Variants in BFSP1 observed in about 807,000 individuals in gnomAD.
BFSP1 encodes beaded filament structural protein 1, also known as filensin.
A neutral mutation model predicts 43.9 loss-of-function variants in BFSP1; 38 were observed. The ratio of observed to expected loss-of-function variants is 0.87; its 90% CI spans 0.67 to 1.14. BFSP1 has a LOEUF of 1.14. Ranked by LOEUF, BFSP1 falls within the 50% of genes most tolerant of loss-of-function variation. The pLI is 0.00. For synonymous variants in BFSP1, 352 were observed against 354.8 expected, an observed-to-expected ratio of 0.99 and a Z score of 0.09; for missense variants, 850 against 875.1, an observed-to-expected ratio of 0.97 and a Z score of 0.36.
intron 1 of BFSP1, among the ~76,000 whole-genome samples, chr20:17,557,337 C>T (rs566374198): frequency 6.6e-6 from 1 of 152,194 alleles, no homozygotes; most frequent in Non-Finnish European, 1.5e-5. Context: ...TTGAATACAG[C>T]GCCTCATTGC....
upstream of BFSP1, among the ~76,000 whole-genome samples, chr20:17,535,517 G>A (rs745992105): frequency 3.0e-4 from 45 of 152,136 alleles, no homozygotes; most frequent in Non-Finnish European, 5.9e-4. Flanking sequence ...GCAACAGAGC[G>A]AGACTTCATC....
Position 17,558,556 on chromosome 20 carries a change from A to G in BFSP1, c.2+132T>C, listed in dbSNP as rs2035032860. The G allele has an allele frequency of 4.2e-6, 4 of 953,370 alleles. No individual in the cohort carries two copies. The African/African-American group carries it at 6.7e-5, about 16-fold the overall frequency. The allele number at this position is 953,370 out of a possible 1,614,324, so 59.1% of individuals were successfully genotyped here. A position where few individuals can be genotyped will look rare whatever the true frequency, so the allele number is the denominator to read the frequency against. ...AATATTTATCATTTTAGAAATTTCC[A>G]TGAGTCATAAAACAAATGTGCAACC... On this transcript the variant is annotated intron_variant, in intron 1 of 7. Coordinates refer to the BFSP1 transcript ENST00000377868.
At chr20:17,536,736 A>G (rs572083464) in intron 1 of BFSP1, among the ~76,000 whole-genome samples, 1 of 152,330 alleles carries the variant, frequency 6.6e-6, no homozygotes, top group Admixed American at 6.5e-5. Context: ...CATTTTACAG[A>G]AACAAAAGGT....
At position 17,512,054 on chromosome 20, in the gene BFSP1, A is replaced by G. The variant is rs933891754; in HGVS notation, c.549T>C (p.Val183=). 1 of 1,607,634 alleles carries G rather than the reference A, an allele frequency of 6.2e-7. No individual in the cohort carries two copies. Among genetic ancestry groups the G allele is most frequent in the Non-Finnish European group, 8.5e-7 (1 of 1,174,142 alleles). Residue 183 remains valine, a synonymous_variant, in exon 4 of 8, where the codon GTT becomes GTC. Coordinates refer to ENST00000377873, the MANE Select transcript of BFSP1 (RefSeq NM_001195.5). The part of the protein sequence containing the change: ...KDRHKKNLLE[V]QTYISILQQI... ...GCTGCAGGATGCTGATATAGGTCTG[A>G]ACTTCCAGAAGATTCTGTTGGGGGA...
intron 1 of BFSP1, among the ~76,000 whole-genome samples, chr20:17,556,151 T>C (rs556974001): frequency 6.6e-6 from 1 of 152,306 alleles, no homozygotes; most frequent in East Asian, 1.9e-4. Context: ...TCACAATATA[T>C]AAAACTAATT....
rs971162576 is a variant in BFSP1 at position 17,497,528 on chromosome 20, AC to A, written c.957-506del. On this transcript the variant is annotated intron_variant, in intron 6 of 7. Coordinates refer to ENST00000377873, the MANE Select transcript of BFSP1 (RefSeq NM_001195.5). ...TATATATACGTATATATATACACACACGTATGTATATATGTGTGTATATATG... is the reference window on the plus strand; with the variant it reads ...TATATATACGTATATATATACACACAGTATGTATATATGTGTGTATATATG... 2.8e-3 allele frequency among the ~76,000 whole-genome samples: 403 copies of A among 145,776 alleles called. 3 individuals are homozygous for A. The highest frequency in any genetic ancestry group is 9.9e-3 in the African/African-American group (390 of 39,434).
chr20:17,539,315 G>T (rs897542103), intron 1 of BFSP1, among the ~76,000 whole-genome samples: 4 of 151,626 alleles, frequency 2.6e-5, no homozygotes, highest in African/African-American at 9.7e-5. Flanking sequence ...GTCTTGCTGT[G>T]CTGCTCAGGT....
chr20:17,534,471 C>T (rs1339716023), upstream of BFSP1, among the ~76,000 whole-genome samples: 2 of 152,170 alleles, frequency 1.3e-5, no homozygotes, highest in Non-Finnish European at 2.9e-5. Context: ...GTAAATATAG[C>T]AAGCACCATC....
intron 2 of BFSP1, among the ~76,000 whole-genome samples, chr20:17,518,637 G>T (rs1400998378): frequency 6.6e-6 from 1 of 152,196 alleles, no homozygotes; most frequent in Non-Finnish European, 1.5e-5. Context: ...AAGAGAAATG[G>T]TGGAAAGGGA....
In BFSP1 at chr20:17,525,621, G is replaced by C. The variant is rs934136350; in HGVS notation, c.378-713C>G. 6.6e-6 allele frequency among the ~76,000 whole-genome samples: 1 copy of C among 152,122 alleles called. No homozygotes were observed. Among genetic ancestry groups the C allele is most frequent in the East Asian group, 1.9e-4 (1 of 5,182 alleles). On this transcript the variant is annotated intron_variant, in intron 1 of 7. Transcript: ENST00000377873. This position sits in a 1 kb window ranked among gnomAD's most constrained non-coding sequence, Gnocchi z 4.2. ...AAGTACCCCAGCTCCTTTTCTGCTC[G>C]GCTGGGACAACTGAGGCACGTCCCT...
chr20:17,552,304 A>G (rs2034907759), intron 1 of BFSP1, among the ~76,000 whole-genome samples: 1 of 152,122 alleles, frequency 6.6e-6, no homozygotes, highest in African/African-American at 2.4e-5. Context: ...TAAATATAAT[A>G]GGATGTGCCT....
chr20:17,512,114 G>C (rs1229820835), intron 3 of BFSP1, 46 bp from the exon 4 acceptor site: 3 of 1,498,032 alleles, frequency 2.0e-6, no homozygotes, highest in Non-Finnish European at 2.8e-6. Context: ...GAGCTGCGCT[G>C]GTTTTTCCTT....
intron 2 of BFSP1, among the ~76,000 whole-genome samples, chr20:17,519,060 T>C (rs1414065223): frequency 6.6e-6 from 1 of 151,654 alleles, no homozygotes; most frequent in East Asian, 1.9e-4. Context: ...GTGGATGTTG[T>C]TCTATCTTCC....
intron 1 of BFSP1, among the ~76,000 whole-genome samples, chr20:17,554,201 C>A (rs964930167): frequency 1.3e-5 from 2 of 152,106 alleles, no homozygotes; most frequent in African/African-American, 4.8e-5. Flanking sequence ...TAAGGACCTG[C>A]TGGTTTCTCA....
chr20:17,498,351 C>T (rs1046340896), intron 6 of BFSP1, among the ~76,000 whole-genome samples: 2 of 152,220 alleles, frequency 1.3e-5, no homozygotes, highest in Non-Finnish European at 2.9e-5. Flanking sequence ...CAGCCACAGA[C>T]TGACTCAGCA....
rs528877077 is a variant in BFSP1, at chr20:17,495,937, G to GGT, written c.1043-910_1043-909dup. ...AGGTGAGCCGGCAACAGCAGACATG[G>GGT]GTCACAAAGCCACAGGTGCAAGGGA... On this transcript the variant is annotated intron_variant, in intron 7 of 7. Coordinates refer to ENST00000377873, the MANE Select transcript of BFSP1 (RefSeq NM_001195.5). Among the ~76,000 whole-genome samples the GGT allele has an allele frequency of 1.0e-3, 155 of 152,202 alleles. 1 individual carries two copies. Among genetic ancestry groups the GGT allele is most frequent in the African/African-American group, 3.5e-3 (146 of 41,532 alleles).
At chr20:17,557,125 C>T (rs1369679075) in intron 1 of BFSP1, among the ~76,000 whole-genome samples, 1 of 152,126 alleles carries the variant, frequency 6.6e-6, no homozygotes, top group Admixed American at 6.5e-5. Context: ...AGAGCTCCCT[C>T]CTGTTGCAAC....
At chr20:17,537,262 A>G (rs2034641996) in intron 1 of BFSP1, among the ~76,000 whole-genome samples, 1 of 152,218 alleles carries the variant, frequency 6.6e-6, no homozygotes, top group Non-Finnish European at 1.5e-5. Flanking sequence ...AAGGGCAGGC[A>G]GACCCCTGGC....
chr20:17,553,385 A>C (rs559594313), intron 1 of BFSP1, among the ~76,000 whole-genome samples: 87 of 152,318 alleles, frequency 5.7e-4, no homozygotes, highest in African/African-American at 2.0e-3. Context: ...AGACAAAAAA[A>C]CAAAAACAAA....
Sources: allele counts gnomAD v4.1 joint callset (sites outside exome capture counted in the v4.1 genomes callset), GRCh38; gene constraint gnomAD v4.1.1; non-coding constraint Gnocchi (gnomAD v3.1); transcripts MANE v1.5; gene names NCBI Gene and HGNC (gene_info 2026-07-23, HGNC 2026-07-21).